LRIG2: variants seen among roughly 807,000 people sequenced by gnomAD.
The protein encoded by LRIG2 is leucine-rich repeats and immunoglobulin-like domains protein 2.
A neutral mutation model predicts 107.8 loss-of-function variants in LRIG2; 93 were observed. The ratio of observed to expected loss-of-function variants is 0.86; its 90% CI spans 0.73 to 1.03. The LOEUF is 1.03. Ranked by LOEUF, LRIG2 falls within the 50% of genes least tolerant of loss-of-function variation. The pLI is 0.00. For synonymous variants in LRIG2, 471 were observed against 470.6 expected, an observed-to-expected ratio of 1.00 and a Z score of -0.01; for missense variants, 1,226 against 1,296.0, an observed-to-expected ratio of 0.95 and a Z score of 0.83.
intron 11 of LRIG2, 51 bp downstream of exon 11, chr1:113,100,539 G>T: frequency 9.0e-7 from 1 of 1,114,878 alleles, no homozygotes. Flanking sequence ...GTTCCTGCTT[G>T]TTGTGCTTAA....
At chr1:113,104,333 C>T (rs886607925) in intron 11 of LRIG2, among the ~76,000 whole-genome samples, 3 of 152,128 alleles carry the variant, frequency 2.0e-5, no homozygotes. Flanking sequence ...AGGCCCCCCA[C>T]CCTTCCTGGG....
intron 12 of LRIG2, among the ~76,000 whole-genome samples, chr1:113,108,259 C>T (rs1302381944): frequency 6.7e-6 from 1 of 148,646 alleles, no homozygotes; most frequent in Non-Finnish European, 1.5e-5. Flanking sequence ...AGTCTTGCTG[C>T]GTCACCCAGG....
rs1440049877 is a variant in LRIG2, at chr1:113,125,914, T to C, written c.*1813T>C. ...GCTCAGAATGTGAAAATATTATTTC[T>C]GAGTTCTCTTTGTTCACTTTCTAAA... On this transcript the variant is annotated 3_prime_UTR_variant, in exon 18 of 18. Transcript: ENST00000361127. 1 of 152,250 alleles carries C rather than the reference T, an allele frequency of 6.6e-6. No individual in the cohort carries two copies. Among genetic ancestry groups the C allele is most frequent in the East Asian group, 1.9e-4 (1 of 5,208 alleles). 9.4% of individuals were successfully genotyped at this position (152,250 alleles called of 1,614,324 possible).
At position 113,081,199 on chromosome 1, in the gene LRIG2, A is replaced by G. The variant is rs534934618; in HGVS notation, c.239+7554A>G. 3.3e-5 allele frequency among the ~76,000 whole-genome samples: 5 copies of G among 152,242 alleles called. No individual in the cohort carries two copies. In the East Asian group the frequency reaches 7.7e-4, roughly 23 times the overall value. ...ACTCTGCATCTGGGATGTTTCGTCT[A>G]ATTGCCTCAAAATTCGGAAAAACGT... On this transcript the variant is annotated intron_variant, in intron 1 of 17. Coordinates refer to ENST00000361127, the MANE Select transcript of LRIG2 (RefSeq NM_014813.3).
rs532705426 is a variant in LRIG2, at chr1:113,107,246, T to C, written c.1314-348T>C. Among the ~76,000 whole-genome samples the C allele has an allele frequency of 2.4e-4, 36 of 152,300 alleles. No individual in the cohort carries two copies. In the South Asian group the frequency reaches 6.6e-3, roughly 28 times the overall value. ...AAAGAAATTAACATCGATAAGGTAA[T>C]ATTAACTAATACAGAGTCCATACTC... On this transcript the variant is annotated intron_variant, in intron 11 of 17. Coordinates refer to ENST00000361127, the MANE Select transcript of LRIG2 (RefSeq NM_014813.3).
intron 1 of LRIG2, among the ~76,000 whole-genome samples, chr1:113,083,959 A>C (rs1044140419): frequency 1.3e-5 from 2 of 149,798 alleles, no homozygotes; most frequent in Non-Finnish European, 3.0e-5. Context: ...ATATGTAACA[A>C]ACCTGCACGT....
chr1:113,076,294 C>G (rs1032514537), intron 1 of LRIG2, among the ~76,000 whole-genome samples: 4 of 152,244 alleles, frequency 2.6e-5, no homozygotes, highest in Admixed American at 1.3e-4. Flanking sequence ...GCACGAGCCA[C>G]TGCGCTTGGC....
intron 9 of LRIG2, 52 bp from the exon 10 acceptor site, chr1:113,100,159 T>G: frequency 9.0e-7 from 1 of 1,113,734 alleles, no homozygotes; most frequent in Non-Finnish European, 1.3e-6. Context: ...GTTTAATGAA[T>G]TTAATTTTGT....
intron 13 of LRIG2, 95 bp downstream of exon 13, chr1:113,110,657 T>C: frequency 1.2e-6 from 1 of 866,764 alleles, no homozygotes; most frequent in Non-Finnish European, 1.8e-6. Flanking sequence ...ATCTGACATT[T>C]AAGTAGGACT....
chr1:113,118,080 C>T lies in LRIG2; in HGVS notation c.2681-1153C>T, dbSNP rs185180442. Among the ~76,000 whole-genome samples, 126 of 152,030 alleles carry T rather than the reference C, an allele frequency of 8.3e-4. 1 individual carries two copies. The highest frequency in any genetic ancestry group is 1.2e-3 in the Non-Finnish European group (82 of 67,980). The stretch of plus-strand genomic sequence containing the variant: ...GATTACAGGCACCTGTCACCATGCC[C>T]GGCTTATTTTGTATTTTTAGTAGAG... On this transcript the variant is annotated intron_variant, in intron 16 of 17. Transcript: ENST00000361127.
At chr1:113,079,268 A>G (rs1440005277) in intron 1 of LRIG2, among the ~76,000 whole-genome samples, 2 of 150,356 alleles carry the variant, frequency 1.3e-5, no homozygotes, top group Non-Finnish European at 2.9e-5. Context: ...GGATTGCTTG[A>G]GCCTGGGAGG....
chr1:113,076,371 A>T (rs1459154396), intron 1 of LRIG2, among the ~76,000 whole-genome samples: 1 of 152,174 alleles, frequency 6.6e-6, no homozygotes, highest in Non-Finnish European at 1.5e-5. Flanking sequence ...TTTATGTAAG[A>T]TATATTTTTG....
At chr1:113,114,181 C>T (rs1470204971) in intron 14 of LRIG2, among the ~76,000 whole-genome samples, 1 of 151,792 alleles carries the variant, frequency 6.6e-6, no homozygotes, top group African/African-American at 2.4e-5. Flanking sequence ...GTCACCGCTG[C>T]TCACCCCCTC....
chr1:113,092,807 A>G (rs1653884996), intron 2 of LRIG2, among the ~76,000 whole-genome samples: 1 of 152,282 alleles, frequency 6.6e-6, no homozygotes, highest in Admixed American at 6.5e-5. Context: ...CTTGGCCAAC[A>G]TGGTGAAACC....
intron 16 of LRIG2, among the ~76,000 whole-genome samples, chr1:113,119,018 C>G (rs1655131640): frequency 6.6e-6 from 1 of 152,116 alleles, no homozygotes; most frequent in African/African-American, 2.4e-5. Flanking sequence ...TTTACCCTAT[C>G]TGTAAAGTGG....
At chr1:113,079,268 A>C (rs1440005277) in intron 1 of LRIG2, among the ~76,000 whole-genome samples, 5 of 150,356 alleles carry the variant, frequency 3.3e-5, no homozygotes, top group African/African-American at 1.2e-4. Flanking sequence ...GGATTGCTTG[A>C]GCCTGGGAGG....
In LRIG2 at chr1:113,095,909, A is replaced by G; in HGVS notation, c.839A>G (p.Lys280Arg). 6.2e-7 allele frequency: 1 copy of G among 1,614,152 alleles called. No individual in the cohort carries two copies. The highest frequency in any genetic ancestry group is 8.5e-7 in the Non-Finnish European group (1 of 1,180,022). Residue 280 changes from lysine (K) to arginine (R), a missense_variant, in exon 7 of 18, where the codon AAG (lysine) becomes AGG (arginine). Lys to Arg is a conservative substitution (Grantham distance 26). This residue lies in a region of LRIG2 where 570 missense variants were observed against 550.2 expected (regional missense o/e 1.04). Transcript: ENST00000361127. ...LEHNNLTRVNKGWLYGLRMLQ... is the reference protein window; with the variant it reads ...LEHNNLTRVNRGWLYGLRMLQ... ...CACAACAACCTTACACGAGTAAACA[A>G]GGGGTGGTTGTATGGCTTGCGAATG...
At chr1:113,112,797 G>C in intron 14 of LRIG2, 37 bp downstream of exon 14, 4 of 1,546,086 alleles carry the variant, frequency 2.6e-6, no homozygotes, top group Non-Finnish European at 3.5e-6. Flanking sequence ...GCTTTTGTTG[G>C]AGTCTTTGGG....
chr1:113,086,850 A>T (rs1212559805), intron 1 of LRIG2, among the ~76,000 whole-genome samples: 1 of 152,216 alleles, frequency 6.6e-6, no homozygotes, highest in Non-Finnish European at 1.5e-5. Context: ...CTCTGTCATC[A>T]TATCTATAAA....
Sources: allele counts gnomAD v4.1 joint callset (sites outside exome capture counted in the v4.1 genomes callset), GRCh38; gene constraint gnomAD v4.1.1; regional missense constraint gnomAD v4.1.1; transcripts MANE v1.5; gene names NCBI Gene and HGNC (gene_info 2026-07-23, HGNC 2026-07-21).